MICAL3: variants seen among roughly 807,000 people sequenced by gnomAD.
The protein encoded by MICAL3 is microtubule associated monooxygenase, calponin and LIM domain containing 3, also known as [F-actin]-monooxygenase MICAL3.
A neutral mutation model predicts 207.4 loss-of-function variants in MICAL3; 62 were observed. That is an observed-to-expected ratio of 0.30 (90% CI 0.24 to 0.37). MICAL3 has a LOEUF of 0.37. MICAL3 is among the 10% of genes least tolerant of loss of function. MICAL3 has a pLI of 1.00. For synonymous variants in MICAL3, 1,077 were observed against 1,069.3 expected (o/e 1.01, Z -0.14); for missense variants, 2,368 against 2,635.6 (o/e 0.90, Z 2.22).
intron 20 of MICAL3, chr22:17,839,743 T>C (rs1923805885): frequency 1.3e-5 from 2 of 151,214 alleles, no homozygotes; most frequent in Admixed American, 6.6e-5. Flanking sequence ...ATTTTTTGTA[T>C]TTTTAGTAAA....
At chr22:17,980,386 A>C (rs1428316643) in intron 1 of MICAL3, among the ~76,000 whole-genome samples, 1 of 152,172 alleles carries the variant, frequency 6.6e-6, no homozygotes, top group African/African-American at 2.4e-5. Context: ...CGCAATCAGA[A>C]TTAACGGCCT....
chr22:17,864,725 A>T, intron 19 of MICAL3, 174 bp downstream of exon 19: 3 of 1,613,582 alleles, frequency 1.9e-6, no homozygotes, highest in Non-Finnish European at 2.5e-6. Flanking sequence ...CCATAGAGAA[A>T]GGGGACTCCG....
chr22:17,916,089 GC>G (rs367632926), intron 1 of MICAL3, among the ~76,000 whole-genome samples: 3 of 142,104 alleles, frequency 2.1e-5, no homozygotes, highest in African/African-American at 7.8e-5. Context: ...AACCCAAAAA[GC>G]AACAAAAAAC....
intron 1 of MICAL3, among the ~76,000 whole-genome samples, chr22:17,916,178 A>G (rs1932504834): frequency 6.6e-6 from 1 of 151,966 alleles, no homozygotes; most frequent in African/African-American, 2.4e-5. Flanking sequence ...TTCTTCCGCA[A>G]GTTTCTATCG....
intron 19 of MICAL3, chr22:17,863,174 G>A (rs1926700939): frequency 2.0e-6 from 2 of 985,392 alleles, no homozygotes; most frequent in Non-Finnish European, 2.4e-6. Flanking sequence ...TCGACCAGAT[G>A]GGAAAGTCAG....
At chr22:17,963,196 G>A (rs959027098) in intron 1 of MICAL3, among the ~76,000 whole-genome samples, 18 of 151,906 alleles carry the variant, frequency 1.2e-4, no homozygotes, top group East Asian at 1.9e-4. Flanking sequence ...CGCTGCACCC[G>A]CCGCCTCCCA....
intron 20 of MICAL3, among the ~76,000 whole-genome samples, chr22:17,838,112 T>A (rs1052125163): frequency 4.6e-5 from 7 of 152,252 alleles, no homozygotes; most frequent in African/African-American, 1.7e-4. Context: ...GCTGCAATTA[T>A]ATTTTTAGCC....
At chr22:17,953,968 G>GAAAAGA (rs369091533) in intron 1 of MICAL3, among the ~76,000 whole-genome samples, 28 of 86,094 alleles carry the variant, frequency 3.3e-4, no homozygotes, top group East Asian at 2.3e-3. Flanking sequence ...AAAAAAAAAA[G>GAAAAGA]AAAAGAAAAA....
chr22:17,832,953 G>C (rs1191098248), intron 20 of MICAL3, among the ~76,000 whole-genome samples: 1 of 152,162 alleles, frequency 6.6e-6, no homozygotes, highest in African/African-American at 2.4e-5. Context: ...ATGGGGAAAG[G>C]GTGGAGACAA....
intron 1 of MICAL3, among the ~76,000 whole-genome samples, chr22:18,003,020 C>T (rs1326813056): frequency 6.6e-6 from 1 of 151,960 alleles, no homozygotes; most frequent in East Asian, 1.9e-4. Flanking sequence ...ATTAGCTGGG[C>T]GTGGTGGTGG....
At chr22:17,951,542 A>G (rs1934350007) in intron 1 of MICAL3, among the ~76,000 whole-genome samples, 1 of 151,782 alleles carries the variant, frequency 6.6e-6, no homozygotes, top group African/African-American at 2.4e-5. Context: ...CAGAGAACAA[A>G]CATGACCTTG....
At chr22:17,945,892 G>GTGGC (rs1934043916) in intron 1 of MICAL3, among the ~76,000 whole-genome samples, 1 of 152,190 alleles carries the variant, frequency 6.6e-6, no homozygotes, top group South Asian at 2.1e-4. Context: ...TGTTCACTCG[G>GTGGC]TGGCGGAAGG....
chr22:17,850,549 T>C (rs1046376971), intron 19 of MICAL3, among the ~76,000 whole-genome samples: 10 of 151,756 alleles, frequency 6.6e-5, no homozygotes, highest in African/African-American at 2.4e-4. Flanking sequence ...GTAGCTGGGA[T>C]TACAGGCGCC....
intron 1 of MICAL3, among the ~76,000 whole-genome samples, chr22:17,975,623 G>C (rs571640818): frequency 4.6e-5 from 7 of 152,242 alleles, no homozygotes; most frequent in African/African-American, 1.7e-4. Context: ...CTGATAAAGA[G>C]AGCTAAAAGG....
At chr22:17,975,896 C>T (rs5992140) in intron 1 of MICAL3, among the ~76,000 whole-genome samples, 35,124 of 151,990 alleles carry the variant, frequency 0.23, 4,285 homozygotes, top group Middle Eastern at 0.29. Flanking sequence ...ACTAAAAATA[C>T]AAAAATTAGC....
chr22:18,010,745 G>A (rs967624926), intron 1 of MICAL3, among the ~76,000 whole-genome samples: 6 of 152,176 alleles, frequency 3.9e-5, no homozygotes, highest in African/African-American at 1.4e-4. Flanking sequence ...GGGTTAGAAA[G>A]AAGGAGAATT....
intron 19 of MICAL3, chr22:17,860,846 C>T (rs1023047920): frequency 3.6e-5 from 35 of 985,314 alleles, no homozygotes; most frequent in Non-Finnish European, 2.3e-5. Context: ...ACCTGGAGTA[C>T]GGCTCCCCAG....
intron 13 of MICAL3, among the ~76,000 whole-genome samples, chr22:17,887,928 T>C (rs1343793010): frequency 3.3e-5 from 5 of 152,204 alleles, no homozygotes; most frequent in Non-Finnish European, 2.9e-5. Flanking sequence ...GAGCTGTGGC[T>C]TTCTGTTGTA....
At position 17,841,390 on chromosome 22, in the gene MICAL3, C is replaced by T. The variant is rs1923990685; in HGVS notation, c.2801+432G>A. 1 of 287,716 alleles carries T rather than the reference C, an allele frequency of 3.5e-6. No individual in the cohort carries two copies. Among genetic ancestry groups the T allele is most frequent in the Non-Finnish European group, 6.6e-6 (1 of 152,012 alleles). The allele number at this position is 287,716 out of a possible 1,614,324, so 17.8% of individuals were successfully genotyped here. On this transcript the variant is annotated intron_variant, in intron 20 of 31. Coordinates refer to ENST00000441493, the MANE Select transcript of MICAL3 (RefSeq NM_015241.3). The surrounding 1 kb of genome is among the most constrained non-coding windows in gnomAD (Gnocchi z 4.2). The stretch of plus-strand genomic sequence containing the variant: ...GGCCCCTGGGGCACACATTTTCAGT[C>T]CCTTTCTTTACCTACAGGAGAAAAA...
Sources: gnomAD v4.1 joint callset for allele counts (sites outside exome capture counted in the v4.1 genomes callset) on GRCh38, gnomAD v4.1.1 for gene constraint, Gnocchi (gnomAD v3.1) non-coding constraint, MANE v1.5 for transcripts, NCBI Gene and HGNC (gene_info 2026-07-23, HGNC 2026-07-21) for gene names.